KANK1: variants seen among roughly 807,000 people sequenced by gnomAD.
KANK1 encodes KN motif and ankyrin repeat domains 1.
A neutral mutation model predicts 106.2 loss-of-function variants in KANK1; 109 were observed. The observed-to-expected ratio is 1.03, with a 90% confidence interval of 0.88 to 1.20. The LOEUF is 1.20. KANK1 is among the 50% of genes most tolerant of loss of function. KANK1 has a pLI of 0.00. For missense variants in KANK1, 2,399 were observed against 1,710.7 expected, an observed-to-expected ratio of 1.40 and a Z score of -7.10; for synonymous variants, 873 against 652.2, an observed-to-expected ratio of 1.34 and a Z score of -5.16.
chr9:552,892 C>T lies in KANK1; in HGVS notation c.-84+48138C>T, dbSNP rs551480075. ...GGCCGCAGTGGCTCACGCCTGTAAT[C>T]CTAGGACTTTGGGAAGCCAAGGCAA... On this transcript the variant is annotated intron_variant, in intron 1 of 11. Transcript: ENST00000382297. 7.2e-5 allele frequency among the ~76,000 whole-genome samples: 11 copies of T among 152,274 alleles called. 1 individual carries two copies. Among genetic ancestry groups the T allele is most frequent in the Admixed American group, 5.9e-4 (9 of 15,304 alleles).
At position 505,328 on chromosome 9, in the gene KANK1, G is replaced by T. The variant is rs143829100; in HGVS notation, c.-84+574G>T. 3.4e-3 allele frequency among the ~76,000 whole-genome samples: 514 copies of T among 152,258 alleles called. 14 individuals carry two copies. In the East Asian group the frequency reaches 0.083, roughly 25 times the overall value. ...CCTCCGCCAACTCCGAGGTGGCTTC[G>T]GCCGGGGCTGGAGGGCGGGGAGGCG... On this transcript the variant is annotated intron_variant, in intron 1 of 11. Transcript: ENST00000382297.
chr9:496,232 G>C (rs1481481938), intron 3 of KANK1, among the ~76,000 whole-genome samples: 1 of 152,154 alleles, frequency 6.6e-6, no homozygotes, highest in Non-Finnish European at 1.5e-5. Flanking sequence ...ATGGAAGTAA[G>C]CTCTCAATAA....
chr9:676,021 A>C (rs910388124), intron 1 of KANK1, among the ~76,000 whole-genome samples: 1 of 152,082 alleles, frequency 6.6e-6, no homozygotes, highest in African/African-American at 2.4e-5. Flanking sequence ...TAGCATGCTA[A>C]TGCATTATAA....
At chr9:707,064 A>G (rs147254720) in intron 2 of KANK1, 20,218 of 985,390 alleles carry the variant, frequency 0.021, 264 homozygotes, top group Middle Eastern at 0.033. Flanking sequence ...CTGCAGCCGG[A>G]GGGAGACCTC....
intron 3 of KANK1, among the ~76,000 whole-genome samples, chr9:717,987 A>G (rs190842681): frequency 6.6e-6 from 1 of 152,312 alleles, no homozygotes; most frequent in Non-Finnish European, 1.5e-5. Context: ...AGTTCATCAA[A>G]AGTTAATGAA....
chr9:637,839 C>T (rs1170132006), intron 1 of KANK1, among the ~76,000 whole-genome samples: 1 of 152,116 alleles, frequency 6.6e-6, no homozygotes, highest in African/African-American at 2.4e-5. Flanking sequence ...GGGAAATTGC[C>T]TTCAGCATAA....
intron 1 of KANK1, among the ~76,000 whole-genome samples, chr9:538,816 G>A (rs2060438788): frequency 6.6e-6 from 1 of 152,142 alleles, no homozygotes; most frequent in Non-Finnish European, 1.5e-5. Context: ...TACACATTTG[G>A]CATAGTAAGT....
intron 2 of KANK1, among the ~76,000 whole-genome samples, chr9:701,403 G>A (rs1401429448): frequency 1.3e-5 from 2 of 152,050 alleles, no homozygotes; most frequent in African/African-American, 4.8e-5. Context: ...CGCGCCCAAT[G>A]GAAGAATACA....
chr9:586,111 G>C (rs1192995683), intron 1 of KANK1, among the ~76,000 whole-genome samples: 1 of 152,186 alleles, frequency 6.6e-6, no homozygotes, highest in Non-Finnish European at 1.5e-5. Context: ...TTTACAGCAA[G>C]CTTTGGAGTA....
intron 1 of KANK1, among the ~76,000 whole-genome samples, chr9:593,058 G>T (rs1406769003): frequency 6.6e-6 from 1 of 151,746 alleles, no homozygotes; most frequent in Admixed American, 6.6e-5. Context: ...AATATCTAAT[G>T]CTAGTAGACA....
intron 3 of KANK1, among the ~76,000 whole-genome samples, chr9:485,855 AGT>A (rs1393744242): frequency 6.8e-6 from 1 of 146,316 alleles, no homozygotes; most frequent in Non-Finnish European, 1.5e-5. Flanking sequence ...TGGGTGACAG[AGT>A]GAGAATTGTC....
At chr9:724,244 G>A (rs1830105490) in intron 3 of KANK1, among the ~76,000 whole-genome samples, 1 of 152,080 alleles carries the variant, frequency 6.6e-6, no homozygotes, top group Admixed American at 6.6e-5. Context: ...AAATATTTAT[G>A]GATGAAAATG....
intron 1 of KANK1, among the ~76,000 whole-genome samples, chr9:582,867 G>A (rs934763687): frequency 6.6e-6 from 1 of 152,194 alleles, no homozygotes; most frequent in Non-Finnish European, 1.5e-5. Flanking sequence ...TACTATAGAC[G>A]TCACTAACAT....
chr9:476,144 C>CAA (rs559563234), intron 3 of KANK1, among the ~76,000 whole-genome samples: 2 of 108,758 alleles, frequency 1.8e-5, no homozygotes, highest in African/African-American at 3.4e-5. Flanking sequence ...AACTCCATCT[C>CAA]AAAAAAAAAA....
rs527453007 is a variant in KANK1, at chr9:480,672, T to C, written c.-362+7399T>C. Among the ~76,000 whole-genome samples, 3 of 152,360 alleles carry C rather than the reference T, an allele frequency of 2.0e-5. No homozygotes were observed. The South Asian group carries it at 6.2e-4, about 32-fold the overall frequency. The stretch of plus-strand genomic sequence containing the variant: ...CAGAAAGAATTATTTTCGTCAGCTT[T>C]CCACCAGTGGAACATACTTCCTCCT... On this transcript the variant is annotated intron_variant, in intron 3 of 15. Coordinates refer to the KANK1 transcript ENST00000382303.
At chr9:677,295 G>GTTT (rs1357704797) in intron 2 of KANK1, among the ~76,000 whole-genome samples, 2 of 152,190 alleles carry the variant, frequency 1.3e-5, no homozygotes, top group East Asian at 3.8e-4. Flanking sequence ...CAAATGTAAT[G>GTTT]TATACTCCTC....
chr9:573,327 T>G (rs1819687104), intron 1 of KANK1, among the ~76,000 whole-genome samples: 2 of 152,184 alleles, frequency 1.3e-5, no homozygotes, highest in African/African-American at 4.8e-5. Context: ...TGGAGTGCAG[T>G]GGCGCAATCT....
At chr9:507,792 G>A (rs1446459958) in intron 1 of KANK1, among the ~76,000 whole-genome samples, 3 of 152,010 alleles carry the variant, frequency 2.0e-5, no homozygotes, top group South Asian at 2.1e-4. Context: ...TCTTGACATC[G>A]TGATGTGCCC....
At chr9:485,583 A>G (rs1053845907) in intron 3 of KANK1, among the ~76,000 whole-genome samples, 1 of 152,184 alleles carries the variant, frequency 6.6e-6, no homozygotes, top group African/African-American at 2.4e-5. Context: ...CTGCTTAGTA[A>G]AGAGATAGGC....
Sources: allele counts gnomAD v4.1 joint callset (sites outside exome capture counted in the v4.1 genomes callset), GRCh38; gene constraint gnomAD v4.1.1; transcripts MANE v1.5; gene names NCBI Gene and HGNC (gene_info 2026-07-23, HGNC 2026-07-21).